The following SCTR variants were observed in gnomAD, a reference collection of about 807,000 sequenced individuals.
SCTR encodes the protein pancreatic secretin receptor.
A neutral mutation model predicts 60.8 loss-of-function variants in SCTR; 56 were observed. The ratio of observed to expected loss-of-function variants is 0.92; its 90% CI spans 0.74 to 1.15. SCTR has a LOEUF of 1.15. SCTR is among the 50% of genes most tolerant of loss of function. The pLI is 0.00. For synonymous variants in SCTR, 202 were observed against 217.0 expected (o/e 0.93, Z 0.61); for missense variants, 562 against 550.4 (o/e 1.02, Z -0.21).
chr2:119,463,449 G>C (rs1683698117), intron 6 of SCTR, among the ~76,000 whole-genome samples: 1 of 152,152 alleles, frequency 6.6e-6, no homozygotes, highest in Admixed American at 6.5e-5. Context: ...GACATCAAAG[G>C]CCTACTCTAA....
At chr2:119,494,082 G>A (rs565052424) in intron 2 of SCTR, among the ~76,000 whole-genome samples, 2 of 152,332 alleles carry the variant, frequency 1.3e-5, no homozygotes, top group Admixed American at 1.3e-4. Context: ...CACTCATGGA[G>A]CTGGCAGGGA....
At chr2:119,519,186 A>G (rs1467496862) in intron 1 of SCTR, among the ~76,000 whole-genome samples, 2 of 152,016 alleles carry the variant, frequency 1.3e-5, no homozygotes, top group African/African-American at 4.8e-5. Context: ...CTGGTCTCAG[A>G]CTGGTCTCAA....
At position 119,457,438 on chromosome 2, in the gene SCTR, G is replaced by A. The variant is rs78165473; in HGVS notation, c.791-4091C>T. 1.9e-3 allele frequency among the ~76,000 whole-genome samples: 285 copies of A among 152,282 alleles called. 8 individuals are homozygous for A. The East Asian group carries it at 0.038, about 20-fold the overall frequency. On this transcript the variant is annotated intron_variant, in intron 7 of 12. Transcript: ENST00000019103. ...AAGAATTTTATATTCTTGGTCAGGC[G>A]CAATGGCTCACAACTATAATCCCAG...
intron 2 of SCTR, chr2:119,479,779 C>T (rs543678268): frequency 2.0e-4 from 31 of 152,290 alleles, no homozygotes; most frequent in African/African-American, 6.0e-4. Context: ...TTATTGTGAA[C>T]GACTAGTATA....
At chr2:119,485,985 T>A (rs1677852618) in intron 2 of SCTR, 1 of 152,000 alleles carries the variant, frequency 6.6e-6, no homozygotes, top group Non-Finnish European at 1.5e-5. Context: ...ACTTTGCTAA[T>A]GACTTGACCT....
chr2:119,521,312 G>A (rs1019344637), intron 1 of SCTR, among the ~76,000 whole-genome samples: 1 of 152,182 alleles, frequency 6.6e-6, no homozygotes, highest in African/African-American at 2.4e-5. Context: ...ATTTGTTGCT[G>A]CATCAGCATG....
intron 7 of SCTR, among the ~76,000 whole-genome samples, chr2:119,453,911 G>A (rs1683269961): frequency 6.6e-6 from 1 of 152,212 alleles, no homozygotes. Context: ...CAAGAATTTA[G>A]AAGAGAAAAT....
At chr2:119,512,743 T>A (rs1379570639) in intron 1 of SCTR, among the ~76,000 whole-genome samples, 1 of 152,146 alleles carries the variant, frequency 6.6e-6, no homozygotes, top group Non-Finnish European at 1.5e-5. Context: ...ATCTGTAGAG[T>A]TTTTTTATGA....
intron 10 of SCTR, among the ~76,000 whole-genome samples, chr2:119,447,148 G>A (rs76730049): frequency 0.021 from 3,128 of 151,652 alleles, 102 homozygotes; most frequent in African/African-American, 0.072. Flanking sequence ...AAAAAAAAAC[G>A]GTACCTACAC....
At chr2:119,508,547 C>G (rs1338002295) in intron 1 of SCTR, among the ~76,000 whole-genome samples, 1 of 151,776 alleles carries the variant, frequency 6.6e-6, no homozygotes, top group Non-Finnish European at 1.5e-5. Flanking sequence ...CCACCACACT[C>G]AGCTAATTTT....
At chr2:119,499,207 C>A (rs1419410125) in intron 1 of SCTR, among the ~76,000 whole-genome samples, 1 of 151,970 alleles carries the variant, frequency 6.6e-6, no homozygotes, top group Non-Finnish European at 1.5e-5. Flanking sequence ...ACCAAACAAT[C>A]ATGCTGTAAA....
intron 1 of SCTR, among the ~76,000 whole-genome samples, chr2:119,518,624 A>C (rs1053406307): frequency 1.3e-5 from 2 of 152,180 alleles, no homozygotes; most frequent in Non-Finnish European, 2.9e-5. Context: ...TCTGTTTGTA[A>C]TGTAAGCAAG....
At chr2:119,522,301 GAA>G (rs797004076) in intron 1 of SCTR, among the ~76,000 whole-genome samples, 1 of 123,740 alleles carries the variant, frequency 8.1e-6, no homozygotes. Context: ...TGTCTCAAAA[GAA>G]AAAAAAAAAA....
intron 1 of SCTR, among the ~76,000 whole-genome samples, chr2:119,505,859 A>T (rs922510636): frequency 4.6e-5 from 7 of 152,174 alleles, no homozygotes; most frequent in African/African-American, 1.2e-4. Context: ...AGTATAATTT[A>T]AAAAAACAGA....
intron 1 of SCTR, among the ~76,000 whole-genome samples, chr2:119,507,268 G>T (rs535384974): frequency 2.6e-5 from 4 of 152,256 alleles, no homozygotes; most frequent in Admixed American, 6.5e-5. Flanking sequence ...GGAAAATCAA[G>T]ACAAACTTAT....
intron 9 of SCTR, 93 bp downstream of exon 9, chr2:119,451,917 G>T: frequency 1.3e-6 from 1 of 781,208 alleles, no homozygotes. Context: ...GCACCTGCAG[G>T]GAGCCCTGTC....
chr2:119,448,486 T>C (rs1185005106), intron 10 of SCTR, among the ~76,000 whole-genome samples: 1 of 152,196 alleles, frequency 6.6e-6, no homozygotes, highest in Non-Finnish European at 1.5e-5. Context: ...CTGAGATTTC[T>C]TAGTGTTTCC....
rs747691220 is a variant in SCTR, at chr2:119,441,542, A to C, written c.1182+16T>G. 6.2e-7 allele frequency: 1 copy of C among 1,608,000 alleles called. No individual in the cohort carries two copies. Among genetic ancestry groups the C allele is most frequent in the Non-Finnish European group, 8.5e-7 (1 of 1,175,408 alleles). On this transcript the variant is annotated intron_variant, in intron 12 of 12. Transcript: ENST00000019103. ...AGGAGCTCTCCTGGGTACCTGGGTGACCCAAGACTACTCACCTCCCCATTG... is the reference window on the plus strand; with the variant it reads ...AGGAGCTCTCCTGGGTACCTGGGTGCCCCAAGACTACTCACCTCCCCATTG...
chr2:119,443,918 C>T (rs191980330), intron 11 of SCTR, among the ~76,000 whole-genome samples: 84 of 152,068 alleles, frequency 5.5e-4, no homozygotes, highest in African/African-American at 1.7e-3. Context: ...CTTTAAGCCC[C>T]GTCTTTTAGA....
Sources: allele counts gnomAD v4.1 joint callset (sites outside exome capture counted in the v4.1 genomes callset), GRCh38; gene constraint gnomAD v4.1.1; transcripts MANE v1.5; gene names NCBI Gene and HGNC (gene_info 2026-07-23, HGNC 2026-07-21).